SETD5: variants seen among roughly 807,000 people sequenced by gnomAD.
SETD5 encodes histone-lysine N-methyltransferase SETD5.
Under a neutral mutation model 153.3 loss-of-function variants are expected in SETD5, and 44 were observed. That is an observed-to-expected ratio of 0.29 (90% CI 0.23 to 0.37). The LOEUF is 0.37. Among genes scored for constraint, SETD5 ranks in the 10% least tolerant of loss-of-function variants. The pLI is 1.00. For synonymous variants in SETD5, 716 were observed against 645.2 expected, an observed-to-expected ratio of 1.11 and a Z score of -1.66; for missense variants, 1,544 against 1,768.0, an observed-to-expected ratio of 0.87 and a Z score of 2.27.
At chr3:9,410,130 C>T (rs2036327556) in intron 1 of SETD5, among the ~76,000 whole-genome samples, 1 of 152,142 alleles carries the variant, frequency 6.6e-6, no homozygotes, top group East Asian at 1.9e-4. Context: ...GATGGTACAC[C>T]TAAGCTATAT....
Position 9,415,574 on chromosome 3 carries a change from TTTA to T in SETD5, c.-176-8881_-176-8879del, listed in dbSNP as rs780067883. Among the ~76,000 whole-genome samples the T allele has an allele frequency of 3.0e-4, 46 of 152,236 alleles. 2 individuals are homozygous for T. In the East Asian group the frequency reaches 8.3e-3, roughly 27 times the overall value. On this transcript the variant is annotated intron_variant, in intron 1 of 22. Transcript: ENST00000402198. ...GGTCGTTGTCTTCCATTGCTGTTAT[TTTA>T]TTATTATTATTTTTTTAATTTTAGA... is the stretch of plus-strand genomic sequence containing the variant.
intron 16 of SETD5, among the ~76,000 whole-genome samples, chr3:9,449,240 T>G (rs1050237476): frequency 2.8e-4 from 42 of 152,204 alleles, no homozygotes; most frequent in African/African-American, 9.9e-4. Flanking sequence ...CTTTCTCCTC[T>G]TTCCAGTTAC....
At chr3:9,398,497 G>A (rs577287888) in intron 1 of SETD5, 1 of 152,026 alleles carries the variant, frequency 6.6e-6, no homozygotes, top group African/African-American at 2.4e-5. Flanking sequence ...TCCCACCTCA[G>A]ATGGCTGCTT....
intron 6 of SETD5, among the ~76,000 whole-genome samples, chr3:9,435,399 A>C (rs1048605037): frequency 6.6e-6 from 1 of 152,218 alleles, no homozygotes; most frequent in African/African-American, 2.4e-5. Flanking sequence ...TCCTGTAGCA[A>C]AGTATTCCTT....
chr3:9,448,492 A>G lies in SETD5; in HGVS notation c.2208A>G (p.Leu736=), dbSNP rs1575476162. ...TTDPTVLATT[L]NMLPGLIHSP... ...ATCCAACTGTACTGGCAACGACCCT[A>G]AACATGTTACCAGGTCTTATCCATT... Residue 736 remains leucine, a synonymous_variant, in exon 16 of 23, where the codon CTA becomes CTG. Coordinates refer to ENST00000402198, the MANE Select transcript of SETD5 (RefSeq NM_001080517.3). 6.2e-7 allele frequency: 1 copy of G among 1,613,956 alleles called. No homozygotes were observed. Among genetic ancestry groups the G allele is most frequent in the East Asian group, 2.2e-5 (1 of 44,880 alleles).
At chr3:9,436,343 A>G (rs935399475) in intron 7 of SETD5, among the ~76,000 whole-genome samples, 4 of 152,124 alleles carry the variant, frequency 2.6e-5, no homozygotes, top group East Asian at 1.9e-4. Context: ...CATCTCTTGT[A>G]TGGTCTAGGT....
At chr3:9,411,670 A>G (rs1170747802) in intron 1 of SETD5, among the ~76,000 whole-genome samples, 2 of 152,236 alleles carry the variant, frequency 1.3e-5, no homozygotes, top group Non-Finnish European at 2.9e-5. Flanking sequence ...GGTTAAAGGA[A>G]CAGTGGCTGG....
intron 17 of SETD5, among the ~76,000 whole-genome samples, chr3:9,457,636 C>T (rs17279412): frequency 0.035 from 5,212 of 150,516 alleles, 332 homozygotes; most frequent in African/African-American, 0.12. Context: ...TGTTCCCAAA[C>T]TTAACAAAAC....
rs933020086 is a variant in SETD5, at chr3:9,476,532, G to C, written c.*441G>C. The stretch of plus-strand genomic sequence containing the variant: ...CCAATCTCAAAGCCCCAAGCCATCT[G>C]AGTACTGTTAGGGTTTTATGCACTT... On this transcript the variant is annotated 3_prime_UTR_variant, in exon 23 of 23. Coordinates refer to ENST00000402198, the MANE Select transcript of SETD5 (RefSeq NM_001080517.3). The C allele has an allele frequency of 1.9e-5, 3 of 160,220 alleles. No homozygotes were observed. Among genetic ancestry groups the C allele is most frequent in the African/African-American group, 7.3e-5 (3 of 41,376 alleles). 9.9% of individuals were successfully genotyped at this position (160,220 alleles called of 1,614,324 possible).
chr3:9,429,768 TCA>T (rs2039757299), intron 3 of SETD5: 3 of 1,161,216 alleles, frequency 2.6e-6, no homozygotes, highest in Non-Finnish European at 3.4e-6. Flanking sequence ...TTCCCCCTGC[TCA>T]CAGATTCCCC....
At chr3:9,423,351 TACTGGAAGATA>T (rs1386528695) in intron 1 of SETD5, 1 of 152,236 alleles carries the variant, frequency 6.6e-6, no homozygotes, top group African/African-American at 2.4e-5. Flanking sequence ...TACTCGGTAC[TACTGGAAGATA>T]CAGGCTGTGT....
At chr3:9,421,989 A>C (rs2038479483) in intron 1 of SETD5, among the ~76,000 whole-genome samples, 1 of 152,198 alleles carries the variant, frequency 6.6e-6, no homozygotes, top group African/African-American at 2.4e-5. Flanking sequence ...ACTTTTGGCT[A>C]GTTGAAGTTT....
rs2045792679 is a variant in SETD5 at position 9,475,749 on chromosome 3, C to T, written c.3987C>T (p.Asn1329=). Residue 1329 remains asparagine, a synonymous_variant, in exon 23 of 23, where the codon AAC becomes AAT. Transcript: ENST00000402198. ...GYFSSQPHSG[N]STGSNLPRRS... is the part of the protein sequence containing the mutation. ...TTAGCAGCCAGCCACATTCTGGAAA[C>T]AGCACTGGCAGCAATCTTCCAAGGA... The T allele has an allele frequency of 3.7e-6, 6 of 1,613,974 alleles. No homozygotes were observed. Among genetic ancestry groups the T allele is most frequent in the Non-Finnish European group, 5.1e-6 (6 of 1,179,868 alleles).
At chr3:9,398,820 C>T (rs1440911085) in intron 1 of SETD5, among the ~76,000 whole-genome samples, 4 of 152,152 alleles carry the variant, frequency 2.6e-5, no homozygotes, top group Non-Finnish European at 2.9e-5. Context: ...TTGGGAAAGC[C>T]CCTTCTATGC....
At chr3:9,456,539 C>G (rs1460466443) in intron 17 of SETD5, among the ~76,000 whole-genome samples, 2 of 151,008 alleles carry the variant, frequency 1.3e-5, no homozygotes, top group East Asian at 3.9e-4. Context: ...ATAGCAATAC[C>G]TGCTTTATAG....
chr3:9,443,243 T>C (rs1264790257), intron 10 of SETD5, 65 bp from the exon 11 acceptor site: 1 of 1,170,684 alleles, frequency 8.5e-7, no homozygotes, highest in East Asian at 2.6e-5. Context: ...AAGTATGGTT[T>C]TTTTCTCTCT....
At chr3:9,456,113 A>G (rs1202413428) in intron 17 of SETD5, among the ~76,000 whole-genome samples, 1 of 152,208 alleles carries the variant, frequency 6.6e-6, no homozygotes, top group South Asian at 2.1e-4. Flanking sequence ...GATTTCTATA[A>G]TAGAAAAAAT....
Position 9,445,688 on chromosome 3 carries a change from AAG to A in SETD5, c.1476_1477del (p.Lys493ArgfsTer6). Reference sequence around the variant, plus strand: ...GACAATCCAGAAGAAAAACCAGAAGAAGAGAAAGAAGAGGTTATAGATGACCA... The same window carrying A: ...GACAATCCAGAAGAAAAACCAGAAGAAGAAAGAAGAGGTTATAGATGACCA... On this transcript the variant is annotated frameshift_variant, in exon 13 of 23. Coordinates refer to ENST00000402198, the MANE Select transcript of SETD5 (RefSeq NM_001080517.3). LOFTEE classifies it high-confidence loss of function. 1 of 1,613,768 alleles carries A rather than the reference AAG, an allele frequency of 6.2e-7. No individual in the cohort carries two copies. Among genetic ancestry groups the A allele is most frequent in the Non-Finnish European group, 8.5e-7 (1 of 1,179,752 alleles).
At chr3:9,400,589 A>G (rs1214639970) in intron 1 of SETD5, among the ~76,000 whole-genome samples, 4 of 152,178 alleles carry the variant, frequency 2.6e-5, no homozygotes, top group Non-Finnish European at 4.4e-5. Context: ...TTCTAAATAA[A>G]TATTTTTAAT....
Sources: gnomAD v4.1 joint callset for allele counts (sites outside exome capture counted in the v4.1 genomes callset) on GRCh38, gnomAD v4.1.1 for gene constraint, MANE v1.5 for transcripts, NCBI Gene and HGNC (gene_info 2026-07-23, HGNC 2026-07-21) for gene names.